Variants in ADHFE1 observed in about 807,000 individuals in gnomAD.
The protein encoded by ADHFE1 is alcohol dehydrogenase iron containing 1.
In ADHFE1, 37 loss-of-function variants were observed where a neutral mutation model predicts 54.8. The observed-to-expected ratio is 0.68, with a 90% CI of 0.52 to 0.89. ADHFE1 has a LOEUF of 0.89. ADHFE1 is among the 40% of genes least tolerant of loss of function. The pLI is 0.00. For synonymous variants in ADHFE1, 203 were observed against 229.3 expected (o/e 0.89, Z 1.04); for missense variants, 601 against 591.2 (o/e 1.02, Z -0.17).
At chr8:66,438,320 GAGCTCTAA>G (rs1192638661) in intron 1 of ADHFE1, among the ~76,000 whole-genome samples, 5 of 152,166 alleles carry the variant, frequency 3.3e-5, no homozygotes, top group African/African-American at 4.8e-5. Context: ...GGTGCATAAT[GAGCTCTAA>G]AGGGTGAGGG....
rs759593416 is a variant in ADHFE1, at chr8:66,456,846, T to C, written c.1016T>C (p.Leu339Ser). The change falls in exon 11 of 14, where the codon TTA becomes TCA. Residue 339 changes from leucine (L) to serine (S), a missense_variant. By Grantham distance (145) the Leu-to-Ser change is moderately radical (BLOSUM62 -2). Transcript: ENST00000396623. ...CHGMSYPISG[L>S]VKMYKAKDYN... is the part of the protein sequence containing the mutation. ...GGAATGTCTTACCCAATTTCAGGTT[T>C]AGTGAAGATGTATAAAGCAAAGGAT... is the stretch of plus-strand genomic sequence containing the variant. The C allele has an allele frequency of 3.1e-6, 5 of 1,609,176 alleles. No homozygotes were observed. The South Asian group carries it at 3.3e-5, about 11-fold the overall frequency.
At chr8:66,437,114 G>A (rs953286824) in intron 1 of ADHFE1, among the ~76,000 whole-genome samples, 1 of 152,196 alleles carries the variant, frequency 6.6e-6, no homozygotes. Flanking sequence ...CCGCTGAAGG[G>A]AAGGAGAGAG....
At chr8:66,453,279 C>T (rs1806397513) in intron 9 of ADHFE1, among the ~76,000 whole-genome samples, 1 of 152,132 alleles carries the variant, frequency 6.6e-6, no homozygotes, top group African/African-American at 2.4e-5. Flanking sequence ...GGCAGGAACA[C>T]CCAACCATTC....
intron 12 of ADHFE1, 146 bp from the exon 13 acceptor site, chr8:66,460,162 C>T: frequency 9.5e-7 from 1 of 1,049,518 alleles, no homozygotes; most frequent in Admixed American, 2.2e-5. Context: ...AACTTGGGCC[C>T]TCCTGGGGAG....
intron 13 of ADHFE1, among the ~76,000 whole-genome samples, chr8:66,465,262 A>T (rs1807108644): frequency 6.6e-6 from 1 of 152,006 alleles, no homozygotes; most frequent in Non-Finnish European, 1.5e-5. Flanking sequence ...TCATATAGTA[A>T]CTCTATGTTT....
At position 66,444,675 on chromosome 8, in the gene ADHFE1, A is replaced by G. The variant is rs371267288; in HGVS notation, c.280A>G (p.Met94Val). Residue 94 changes from methionine to valine, a missense_variant, in exon 5 of 14, where the codon ATG becomes GTG. Transcript: ENST00000396623. The part of the protein sequence containing the change: ...LSKLPPVQVA[M>V]DSLVKNGIPF... ...CAAGCTCCCTCCTGTGCAAGTAGCTATGGATTCCCTAGTGAAGAATGGCAT... is the reference window on the plus strand; with the variant it reads ...CAAGCTCCCTCCTGTGCAAGTAGCTGTGGATTCCCTAGTGAAGAATGGCAT... 21 of 1,614,236 alleles carry G rather than the reference A, an allele frequency of 1.3e-5. No homozygotes were observed. The highest frequency in any genetic ancestry group is 2.2e-5 in the East Asian group (1 of 44,888).
intron 7 of ADHFE1, 24 bp from the exon 8 acceptor site, chr8:66,448,841 C>G (rs62511187): frequency 2.5e-6 from 4 of 1,596,798 alleles, no homozygotes; most frequent in African/African-American, 1.3e-5. Context: ...GCTTTAGCCT[C>G]TACTGAAAAT....
intron 3 of ADHFE1, among the ~76,000 whole-genome samples, chr8:66,444,069 G>A (rs368611849): frequency 9.8e-4 from 150 of 152,296 alleles, no homozygotes; most frequent in African/African-American, 3.3e-3. Context: ...ACATTTGAGA[G>A]TTATTTTACA....
Position 66,445,437 on chromosome 8 carries a change from T to G in ADHFE1, c.550+23T>G. The stretch of plus-strand genomic sequence containing the variant: ...CAGGTAAAGACTGTTTATTTCTTTG[T>G]TTGTTTTATTTTGCAATGAGCAATA... On this transcript the variant is annotated intron_variant, in intron 6 of 13. Transcript: ENST00000396623. 4.4e-6 allele frequency: 7 copies of G among 1,576,268 alleles called. No individual in the cohort carries two copies. The South Asian group carries it at 5.8e-5, about 13-fold the overall frequency.
chr8:66,448,752 A>G (rs1806156372), intron 7 of ADHFE1, 113 bp from the exon 8 acceptor site: 1 of 1,000,688 alleles, frequency 1.0e-6, no homozygotes, highest in African/African-American at 1.6e-5. Context: ...CTACATGAAA[A>G]TGAACCTTTT....
intron 3 of ADHFE1, 29 bp downstream of exon 3, chr8:66,442,873 T>A (rs1805831181): frequency 6.7e-7 from 1 of 1,501,470 alleles, no homozygotes; most frequent in Non-Finnish European, 9.0e-7. Context: ...TTATTTCTTT[T>A]ATGAATGACT....
intron 12 of ADHFE1, chr8:66,460,018 A>G (rs1806814318): frequency 5.5e-6 from 2 of 362,708 alleles, no homozygotes; most frequent in Non-Finnish European, 5.1e-6. Context: ...CCATCCCAGC[A>G]CCAGCCGACT....
chr8:66,442,460 G>A (rs574193681), intron 2 of ADHFE1, among the ~76,000 whole-genome samples: 9 of 151,654 alleles, frequency 5.9e-5, no homozygotes, highest in South Asian at 4.2e-4. Flanking sequence ...ACAGGCGCTC[G>A]CCACCACACC....
intron 6 of ADHFE1, among the ~76,000 whole-genome samples, chr8:66,446,883 A>C (rs1328096964): frequency 3.3e-5 from 5 of 152,266 alleles, no homozygotes; most frequent in African/African-American, 1.2e-4. Flanking sequence ...TTCATCCAGC[A>C]GTCATGATAC....
intron 2 of ADHFE1, among the ~76,000 whole-genome samples, chr8:66,441,466 G>A (rs1175731787): frequency 6.6e-6 from 1 of 152,066 alleles, no homozygotes; most frequent in African/African-American, 2.4e-5. Context: ...TTGCACTCAG[G>A]GAGCTGAAGG....
At chr8:66,436,169 G>C (rs1015702340) in intron 1 of ADHFE1, among the ~76,000 whole-genome samples, 1 of 152,114 alleles carries the variant, frequency 6.6e-6, no homozygotes, top group African/African-American at 2.4e-5. Context: ...ACCAGCCTCA[G>C]CCTCCCCAAA....
At chr8:66,462,673 T>C (rs1586489673) in intron 13 of ADHFE1, among the ~76,000 whole-genome samples, 1 of 152,356 alleles carries the variant, frequency 6.6e-6, no homozygotes, top group Non-Finnish European at 1.5e-5. Flanking sequence ...CAGGAAAATG[T>C]GTGGGTCCAT....
At chr8:66,440,668 A>G (rs1398902598) in intron 2 of ADHFE1, among the ~76,000 whole-genome samples, 3 of 152,228 alleles carry the variant, frequency 2.0e-5, no homozygotes, top group African/African-American at 7.2e-5. Flanking sequence ...ATTTCCTAAT[A>G]CTTAAAAATA....
In ADHFE1 at chr8:66,444,604, A is replaced by G; in HGVS notation, c.209A>G (p.Asn70Ser). Residue 70 changes from asparagine to serine, a missense_variant, in exon 5 of 14, where the codon AAC becomes AGC. Transcript: ENST00000396623. ...TAGGTTTTCTTGTAGGACCTAAAAA[A>G]CATGGGTGCTAAAAATGTGTGCTTG... ...VTKEVGMDLK[N>S]MGAKNVCLMT... 1 of 1,614,172 alleles carries G rather than the reference A, an allele frequency of 6.2e-7. No homozygotes were observed. Among genetic ancestry groups the G allele is most frequent in the Non-Finnish European group, 8.5e-7 (1 of 1,180,032 alleles).
Sources: allele counts gnomAD v4.1 joint callset (sites outside exome capture counted in the v4.1 genomes callset), GRCh38; gene constraint gnomAD v4.1.1; transcripts MANE v1.5; gene names NCBI Gene and HGNC (gene_info 2026-07-23, HGNC 2026-07-21).